LINC00632: variants seen among roughly 807,000 people sequenced by gnomAD.
LINC00632 encodes ALDOA related specific transcript.
At chrX:140,734,485 A>G (rs1029256264) in intron 3 of LINC00632, among the ~76,000 whole-genome samples, 1 of 111,143 alleles carries the variant, frequency 9.0e-6, no homozygotes, top group Non-Finnish European at 1.9e-5. Flanking sequence ...TAATGTTTCT[A>G]TCTCCTTGAA....
rs1203330788 is a variant in LINC00632 at position 140,710,109 on chromosome X, C to T, written n.68+304C>T. Among the ~76,000 whole-genome samples, 7 of 112,133 alleles carry T rather than the reference C, an allele frequency of 6.2e-5. No homozygotes were observed. In the Admixed American group the frequency reaches 6.7e-4, roughly 11 times the overall value. ...TGTTACTAAATTGGAGAATTGCTTTCAGAATTGTACCTCAGCTTTACGATA... is the reference window on the plus strand; with the variant it reads ...TGTTACTAAATTGGAGAATTGCTTTTAGAATTGTACCTCAGCTTTACGATA... On this transcript the variant is annotated intron_variant and non_coding_transcript_variant, in intron 1 of 4. Coordinates refer to ENST00000648200, the Ensembl canonical transcript of LINC00632.
intron 3 of LINC00632, among the ~76,000 whole-genome samples, chrX:140,736,743 A>G (rs1047250150): frequency 2.7e-5 from 3 of 110,068 alleles, no homozygotes; most frequent in Non-Finnish European, 5.7e-5. Context: ...CCTAGTATCA[A>G]ACTTTTTAAC....
exon 5 of LINC00632, among the ~76,000 whole-genome samples, chrX:140,789,763 G>C (rs1932079536): frequency 9.0e-6 from 1 of 111,052 alleles, no homozygotes; most frequent in African/African-American, 3.3e-5. Context: ...GAAATTGCTT[G>C]TTTGTATCCT....
chrX:140,783,695 A>G, exon 5 of LINC00632: 1 of 1,210,207 alleles, frequency 8.3e-7, no homozygotes, highest in Non-Finnish European at 1.1e-6. Flanking sequence ...AGAAAAATCT[A>G]CGTCTTCCAC....
intron 3 of LINC00632, among the ~76,000 whole-genome samples, chrX:140,748,764 A>G (rs1366420715): frequency 3.7e-5 from 4 of 106,760 alleles, no homozygotes; most frequent in Non-Finnish European, 7.7e-5. Flanking sequence ...GCATAAACAC[A>G]CATTATAAAA....
At chrX:140,779,145 G>A (rs1931906231) in exon 5 of LINC00632, among the ~76,000 whole-genome samples, 1 of 111,171 alleles carries the variant, frequency 9.0e-6, no homozygotes, top group African/African-American at 3.3e-5. Flanking sequence ...TGCACAGTTT[G>A]AGTGGAGAGA....
chrX:140,757,185 C>A (rs948796153), intron 3 of LINC00632, among the ~76,000 whole-genome samples: 20 of 111,696 alleles, frequency 1.8e-4, no homozygotes, highest in African/African-American at 6.5e-4. Flanking sequence ...TGGAACTCAG[C>A]CTACTTGGAT....
chrX:140,716,708 C>T (rs766860749), intron 2 of LINC00632, among the ~76,000 whole-genome samples: 1 of 108,503 alleles, frequency 9.2e-6, no homozygotes, highest in South Asian at 4.2e-4. Context: ...TAACACATCC[C>T]ACAATACCCA....
intron 3 of LINC00632, among the ~76,000 whole-genome samples, chrX:140,738,994 T>G (rs1260099915): frequency 9.0e-6 from 1 of 111,700 alleles, no homozygotes. Flanking sequence ...TACTAGTTTT[T>G]GGGTTTCCAT....
chrX:140,711,606 GT>G (rs749973648), intron 1 of LINC00632: 65 of 312,829 alleles, frequency 2.1e-4, no homozygotes, highest in African/African-American at 1.6e-3. Context: ...TGCTTTTCTG[GT>G]TTTTTCTCCC....
exon 5 of LINC00632, among the ~76,000 whole-genome samples, chrX:140,781,459 C>T (rs1383962011): frequency 1.8e-5 from 2 of 111,319 alleles, no homozygotes; most frequent in Non-Finnish European, 3.8e-5. Context: ...CTGAATGCAA[C>T]CCATTTAATT....
At chrX:140,781,569 C>A (rs1931933570) in exon 5 of LINC00632, among the ~76,000 whole-genome samples, 1 of 111,562 alleles carries the variant, frequency 9.0e-6, no homozygotes, top group South Asian at 3.8e-4. Context: ...CCTATCATTA[C>A]AGCACATGAT....
chrX:140,781,972 C>T (rs1931941158), exon 5 of LINC00632, among the ~76,000 whole-genome samples: 1 of 112,028 alleles, frequency 8.9e-6, no homozygotes. Context: ...CTAGATACTG[C>T]TTATTCTTTG....
intron 2 of LINC00632, among the ~76,000 whole-genome samples, chrX:140,724,721 A>G (rs1451645631): frequency 5.4e-5 from 6 of 110,135 alleles, no homozygotes; most frequent in Admixed American, 9.6e-5. Context: ...ACACAGACAC[A>G]TTCCATATAC....
chrX:140,712,172 C>T (rs1200205839), intron 2 of LINC00632: 1 of 110,221 alleles, frequency 9.1e-6, no homozygotes, highest in African/African-American at 3.3e-5. Context: ...CATGTTTGTG[C>T]TTGTGCGTTT....
exon 5 of LINC00632, among the ~76,000 whole-genome samples, chrX:140,774,637 G>A (rs765535104): frequency 1.8e-5 from 2 of 111,654 alleles, no homozygotes; most frequent in Non-Finnish European, 3.8e-5. Context: ...TTACGACCAA[G>A]CATTTTCATT....
Position 140,729,602 on chromosome X carries a change from ACT to A in LINC00632, n.105-4273_105-4272del, listed in dbSNP as rs780846147. On this transcript the variant is annotated intron_variant and non_coding_transcript_variant, in intron 2 of 4. Coordinates refer to ENST00000648200, the Ensembl canonical transcript of LINC00632. ...CCTACAATGTGAGGACATGATCCAC[ACT>A]CTGTAGACTACCCGAGCACTGCATA... 4.2e-3 allele frequency among the ~76,000 whole-genome samples: 461 copies of A among 110,993 alleles called. 1 individual carries two copies. The highest frequency in any genetic ancestry group is 0.014 in the African/African-American group (431 of 30,498).
At chrX:140,751,250 A>G (rs1931406590) in intron 3 of LINC00632, among the ~76,000 whole-genome samples, 1 of 108,561 alleles carries the variant, frequency 9.2e-6, no homozygotes, top group African/African-American at 3.3e-5. Flanking sequence ...CAGCAGTGTA[A>G]AAGTTCTCCC....
intron 3 of LINC00632, among the ~76,000 whole-genome samples, chrX:140,757,895 A>T (rs766417395): frequency 1.8e-5 from 2 of 111,577 alleles, no homozygotes; most frequent in African/African-American, 6.5e-5. Context: ...AGCGGGATAA[A>T]TTATATCATG....
Sources: gnomAD v4.1 joint callset for allele counts (sites outside exome capture counted in the v4.1 genomes callset) on GRCh38, gnomAD v4.1.1 for gene constraint, MANE v1.5 for transcripts, NCBI Gene and HGNC (gene_info 2026-07-23, HGNC 2026-07-21) for gene names.